Variants in GNA12 observed in about 807,000 individuals in gnomAD.
GNA12 encodes the protein guanine nucleotide-binding protein subunit alpha-12.
GNA12 carries 9 observed loss-of-function variants against 26.0 expected under a neutral mutation model. That is an observed-to-expected ratio of 0.35 (90% confidence interval 0.21 to 0.60). GNA12 has a LOEUF of 0.60. GNA12 is among the 20% of genes least tolerant of loss of function. GNA12 has a pLI of 0.78. For missense variants in GNA12, 405 were observed against 525.8 expected (o/e 0.77, Z 2.25); for synonymous variants, 264 against 219.6 (o/e 1.20, Z -1.79).
chr7:2,765,686 G>A (rs798481), intron 2 of GNA12, among the ~76,000 whole-genome samples: 61,748 of 151,332 alleles, frequency 0.41, 12,845 homozygotes, highest in Admixed American at 0.47. Context: ...GCTGGAGTGC[G>A]ATGGCATGAT....
intron 2 of GNA12, among the ~76,000 whole-genome samples, chr7:2,767,973 G>T (rs773350665): frequency 3.3e-5 from 5 of 152,192 alleles, no homozygotes; most frequent in African/African-American, 4.8e-5. Flanking sequence ...TCCTGTCTCA[G>T]CCTCTTGTGT....
chr7:2,815,659 G>A (rs955759280), intron 1 of GNA12, among the ~76,000 whole-genome samples: 20 of 152,282 alleles, frequency 1.3e-4, no homozygotes, highest in Non-Finnish European at 2.1e-4. Context: ...CGAGGCTCTT[G>A]CCCACAAGTA....
At chr7:2,745,261 G>A (rs1351594780) in intron 2 of GNA12, among the ~76,000 whole-genome samples, 1 of 152,202 alleles carries the variant, frequency 6.6e-6, no homozygotes, top group Non-Finnish European at 1.5e-5. Flanking sequence ...GTTAAGGGCA[G>A]CCAGAGAGAA....
chr7:2,807,046 C>T (rs1193955641), intron 1 of GNA12, among the ~76,000 whole-genome samples: 2 of 152,102 alleles, frequency 1.3e-5, no homozygotes, highest in South Asian at 4.1e-4. Flanking sequence ...CCTTTATTTT[C>T]CCCCAAATTG....
Position 2,733,454 on chromosome 7 carries a change from C to G in GNA12, c.573G>C (p.Gln191His), listed in dbSNP as rs1455629624. The G allele has an allele frequency of 1.2e-6, 2 of 1,613,562 alleles. No homozygotes were observed. Among genetic ancestry groups the G allele is most frequent in the African/African-American group, 2.7e-5 (2 of 74,908 alleles). ...TCGGGCGGGCGTGCTTACTCACCAG[C>G]TGGCCGATCCGGTCCAAGTTGTCCA... ...YFLDNLDRIG[Q>H]LNYFPSKQDI... Residue 191 changes from glutamine (Q) to histidine (H), a missense_variant, in exon 3 of 4, where the codon CAG (glutamine) becomes CAC (histidine). Transcript: ENST00000275364.
In GNA12 at chr7:2,730,210, A is replaced by T. The variant is rs1322738840; in HGVS notation, c.*971T>A. The T allele has an allele frequency of 1.3e-5, 2 of 152,348 alleles. No individual in the cohort carries two copies. Among genetic ancestry groups the T allele is most frequent in the African/African-American group, 4.8e-5 (2 of 41,440 alleles). The allele number at this position is 152,348 out of a possible 1,614,324, so 9.4% of individuals were successfully genotyped here. On this transcript the variant is annotated 3_prime_UTR_variant, in exon 4 of 4. Transcript: ENST00000275364. ...CAGCTTTCTGAAGCCCCAGAAGAGG[A>T]ATGTTTCTGAAAGAAGGAAACGCTA... is the stretch of plus-strand genomic sequence containing the variant.
At chr7:2,838,475 T>C (rs1450542421) in intron 1 of GNA12, among the ~76,000 whole-genome samples, 2 of 152,094 alleles carry the variant, frequency 1.3e-5, no homozygotes, top group African/African-American at 2.4e-5. Flanking sequence ...TCCCGGCTAC[T>C]AGGGAGGCTG....
intron 2 of GNA12, among the ~76,000 whole-genome samples, chr7:2,746,771 G>T (rs1222340722): frequency 6.6e-6 from 1 of 152,046 alleles, no homozygotes; most frequent in African/African-American, 2.4e-5. Flanking sequence ...TAGACCGCTA[G>T]CAAGACTAAT....
intron 2 of GNA12, among the ~76,000 whole-genome samples, chr7:2,740,828 A>AAGTTG (rs2115326081): frequency 6.6e-6 from 1 of 152,314 alleles, no homozygotes; most frequent in African/African-American, 2.4e-5. Context: ...ACGGATCACG[A>AAGTTG]GGTCGAGAGA....
intron 1 of GNA12, among the ~76,000 whole-genome samples, chr7:2,811,638 C>T (rs554177130): frequency 3.9e-5 from 6 of 152,224 alleles, no homozygotes; most frequent in Non-Finnish European, 5.9e-5. Flanking sequence ...TTGTAAAGAA[C>T]GATTGCAAAA....
chr7:2,819,627 A>C (rs1003940291), intron 1 of GNA12, among the ~76,000 whole-genome samples: 1 of 152,244 alleles, frequency 6.6e-6, no homozygotes, highest in Admixed American at 6.5e-5. Flanking sequence ...CTGTATAGCC[A>C]TATCTCCAAA....
At chr7:2,777,366 CCTGAAAGGGCGAAG>C (rs1792103159) in intron 2 of GNA12, among the ~76,000 whole-genome samples, 4 of 152,162 alleles carry the variant, frequency 2.6e-5, no homozygotes, top group African/African-American at 9.7e-5. Context: ...ATACCAGATG[CCTGAAAGGGCGAAG>C]CTATATGTTT....
chr7:2,840,904 C>T (rs552684815), intron 1 of GNA12, among the ~76,000 whole-genome samples: 3 of 151,228 alleles, frequency 2.0e-5, no homozygotes, highest in East Asian at 1.9e-4. Context: ...GTGATCTGTT[C>T]GAATAAAAAT....
rs576118551 is a variant in GNA12, at chr7:2,822,935, C to T, written c.309+20918G>A. ...TCCTAGATGTGATAAAAAGGTGCTC[C>T]CTAGATTCACTATCAGTCCTCTGCC... On this transcript the variant is annotated intron_variant, in intron 1 of 3. Transcript: ENST00000275364. 2.6e-5 allele frequency among the ~76,000 whole-genome samples: 4 copies of T among 152,254 alleles called. 1 individual carries two copies. Among genetic ancestry groups the T allele is most frequent in the African/African-American group, 9.6e-5 (4 of 41,542 alleles).
chr7:2,807,343 A>C (rs4722091), intron 1 of GNA12, among the ~76,000 whole-genome samples: 25,829 of 152,216 alleles, frequency 0.17, 2,262 homozygotes, highest in Non-Finnish European at 0.2. Flanking sequence ...AAAATGCTTA[A>C]ATTTCACAAA....
At chr7:2,827,170 T>C (rs1230961136) in intron 1 of GNA12, among the ~76,000 whole-genome samples, 1 of 152,122 alleles carries the variant, frequency 6.6e-6, no homozygotes, top group Non-Finnish European at 1.5e-5. Context: ...TTATATGAAA[T>C]ATTCAGAATA....
chr7:2,835,735 G>T (rs1778819194), intron 1 of GNA12: 19 of 733,150 alleles, frequency 2.6e-5, no homozygotes, highest in Admixed American at 3.9e-5. Context: ...GCTGAAGGAA[G>T]AAATAGAAGT....
At position 2,751,110 on chromosome 7, in the gene GNA12, G is replaced by A. The variant is rs545498148; in HGVS notation, c.526-17609C>T. ...TGCTTTACATGCTTATATTAGGGCC[G>A]GGCCCGGGGGCACACACTTGTAACC... On this transcript the variant is annotated intron_variant, in intron 2 of 3. Transcript: ENST00000275364. Among the ~76,000 whole-genome samples the A allele has an allele frequency of 1.4e-3, 216 of 152,140 alleles. 2 individuals are homozygous for A. The highest frequency in any genetic ancestry group is 4.7e-3 in the African/African-American group (196 of 41,504).
At chr7:2,752,481 G>A (rs553754948) in intron 2 of GNA12, among the ~76,000 whole-genome samples, 2 of 152,268 alleles carry the variant, frequency 1.3e-5, no homozygotes, top group South Asian at 4.1e-4. Flanking sequence ...TGAAACAAAA[G>A]ACACAGGGAC....
Sources: gnomAD v4.1 joint callset for allele counts (sites outside exome capture counted in the v4.1 genomes callset) on GRCh38, gnomAD v4.1.1 for gene constraint, MANE v1.5 for transcripts, NCBI Gene and HGNC (gene_info 2026-07-23, HGNC 2026-07-21) for gene names.